C9orf78: variants seen among roughly 807,000 people sequenced by gnomAD.
C9orf78 encodes chromosome 9 open reading frame 78.
A neutral mutation model predicts 37.4 loss-of-function variants in C9orf78; 19 were observed. The ratio of observed to expected loss-of-function variants is 0.51; its 90% CI spans 0.35 to 0.74. The LOEUF is 0.74. Ranked by LOEUF, C9orf78 falls within the 30% of genes least tolerant of loss-of-function variation. The pLI is 0.01. For synonymous variants in C9orf78, 130 were observed against 128.0 expected (o/e 1.02, Z -0.10); for missense variants, 291 against 370.8 (o/e 0.78, Z 1.77).
intron 8 of C9orf78, chr9:129,828,874 G>C: frequency 2.5e-6 from 1 of 401,546 alleles, no homozygotes; most frequent in Non-Finnish European, 4.7e-6. Flanking sequence ...GAGACTACAA[G>C]TGTGAGGCAC....
chr9:129,830,311 G>A (rs28492891), intron 6 of C9orf78: 5,957 of 155,210 alleles, frequency 0.038, 346 homozygotes, highest in African/African-American at 0.13. Context: ...GGTGTGCAGT[G>A]GTGCAATCAT....
At position 129,829,385 on chromosome 9, in the gene C9orf78, C is replaced by A. The variant is rs1439487792; in HGVS notation, c.679+20G>T. 6.2e-7 allele frequency: 1 copy of A among 1,611,424 alleles called. No homozygotes were observed. Among genetic ancestry groups the A allele is most frequent in the African/African-American group, 1.3e-5 (1 of 74,862 alleles). ...CCCAAATAGGGGAATGGGGGCAAGA[C>A]TGCTCTCCGAGGGGCTTACATCTGT... On this transcript the variant is annotated intron_variant, in intron 7 of 8. Coordinates refer to ENST00000372447, the MANE Select transcript of C9orf78 (RefSeq NM_016520.3).
At chr9:129,828,379 A>G in intron 8 of C9orf78, 127 bp from the exon 9 acceptor site, 1 of 668,456 alleles carries the variant, frequency 1.5e-6, no homozygotes, top group Non-Finnish European at 2.8e-6. Context: ...AACCCAGTGA[A>G]CACAGTAGGG....
At chr9:129,828,864 G>A (rs1278894833) in intron 8 of C9orf78, 1 of 387,124 alleles carries the variant, frequency 2.6e-6, no homozygotes, top group East Asian at 6.3e-5. Flanking sequence ...CCCAGCAGCT[G>A]AGACTACAAG....
intron 8 of C9orf78, 65 bp from the exon 9 acceptor site, chr9:129,828,317 A>G: frequency 2.1e-6 from 2 of 957,474 alleles, no homozygotes; most frequent in Non-Finnish European, 3.4e-6. Flanking sequence ...ACTTTACTCC[A>G]TGCAGGCAAA....
chr9:129,828,476 T>C (rs1020364248), intron 8 of C9orf78: 37 of 370,528 alleles, frequency 1.0e-4, no homozygotes, highest in Admixed American at 1.1e-4. Flanking sequence ...CAGGCTAGAG[T>C]GTAATGGCAT....
intron 4 of C9orf78, among the ~76,000 whole-genome samples, chr9:129,833,081 G>A (rs2031551382): frequency 6.7e-6 from 1 of 149,148 alleles, no homozygotes; most frequent in Non-Finnish European, 1.5e-5. Flanking sequence ...GTGTGTGTGT[G>A]TGTGTGTGTA....
rs756733770 is a variant in C9orf78 at position 129,829,298 on chromosome 9, G to A, written c.685C>T (p.His229Tyr). 7 of 1,605,572 alleles carry A rather than the reference G, an allele frequency of 4.4e-6. No individual in the cohort carries two copies. In the East Asian group the frequency reaches 8.9e-5, roughly 20 times the overall value. Residue 229 changes from histidine to tyrosine, a missense_variant, in exon 8 of 9, where the codon CAT becomes TAT. By Grantham distance (83) the His-to-Tyr change is moderately conservative. Around this residue, in one of 3 missense-constraint regions of C9orf78, gnomAD observed 120 missense variants for 148.7 expected, o/e 0.81. Coordinates refer to ENST00000372447, the MANE Select transcript of C9orf78 (RefSeq NM_016520.3). ...VNYVQHNRFY[H>Y]EELNAPIRRN... ...CGTATGGGCGCGTTGAGCTCCTCAT[G>A]ATAAACTGGACCCAAAGAGACCAGG... is the stretch of plus-strand genomic sequence containing the variant.
rs761981667 is a variant in C9orf78, at chr9:129,834,786, C to A, written c.84-20G>T. The A allele has an allele frequency of 4.4e-6, 7 of 1,576,580 alleles. No homozygotes were observed. Among genetic ancestry groups the A allele is most frequent in the Admixed American group, 1.7e-5 (1 of 59,906 alleles). On this transcript the variant is annotated intron_variant, in intron 1 of 8. Transcript: ENST00000372447. ...TTTAATCTTTAAAAAGAAGAAGAAGCAGCAATGCATAAGCTGAGTGATTCC... is the reference window on the plus strand; with the variant it reads ...TTTAATCTTTAAAAAGAAGAAGAAGAAGCAATGCATAAGCTGAGTGATTCC...
At chr9:129,829,043 T>A in intron 8 of C9orf78, 162 bp downstream of exon 8, 1 of 700,358 alleles carries the variant, frequency 1.4e-6, no homozygotes, top group Non-Finnish European at 2.6e-6. Context: ...AACTGAGGCT[T>A]AGAAAGGGGA....
chr9:129,829,589 C>T, intron 6 of C9orf78, 48 bp from the exon 7 acceptor site: 1 of 1,576,950 alleles, frequency 6.3e-7, no homozygotes, highest in Non-Finnish European at 8.7e-7. Context: ...TAGCACCTTA[C>T]TACTCAGACA....
At chr9:129,834,834 A>G (rs1564189906) in intron 1 of C9orf78, 68 bp from the exon 2 acceptor site, 1 of 1,268,678 alleles carries the variant, frequency 7.9e-7, no homozygotes, top group Non-Finnish European at 1.1e-6. Flanking sequence ...AAGCTAACAG[A>G]GCCAATAAGG....
chr9:129,829,330 G>T (rs773375419), intron 7 of C9orf78, 27 bp from the exon 8 acceptor site: 1 of 1,601,832 alleles, frequency 6.2e-7, no homozygotes, highest in Non-Finnish European at 8.5e-7. Context: ...CAGGGGACAC[G>T]TTAGAACATG....
chr9:129,831,809 C>A, intron 5 of C9orf78, 87 bp downstream of exon 5: 1 of 775,588 alleles, frequency 1.3e-6, no homozygotes, highest in Non-Finnish European at 2.4e-6. Flanking sequence ...CTAGAAAATT[C>A]TAGAAATGTC....
At chr9:129,835,053 A>G in intron 1 of C9orf78, 86 bp downstream of exon 1, 1 of 1,091,662 alleles carries the variant, frequency 9.2e-7, no homozygotes, top group South Asian at 1.3e-5. Context: ...CACAGTTAAC[A>G]ATGTCAGCGA....
intron 6 of C9orf78, chr9:129,830,117 G>C (rs183740425): frequency 7.2e-5 from 11 of 152,734 alleles, no homozygotes; most frequent in African/African-American, 2.4e-4. Flanking sequence ...ATTTGTATTT[G>C]TAGGATTCTA....
chr9:129,833,779 C>A, intron 2 of C9orf78, 70 bp from the exon 3 acceptor site: 3 of 1,149,488 alleles, frequency 2.6e-6, no homozygotes, highest in Non-Finnish European at 3.8e-6. Flanking sequence ...AAGGAGGAAC[C>A]CTCTCAGGTA....
intron 6 of C9orf78, 163 bp downstream of exon 6, chr9:129,830,708 G>T: frequency 3.3e-6 from 2 of 602,402 alleles, no homozygotes; most frequent in Admixed American, 5.4e-5. Context: ...GACGGGGTTC[G>T]ACCATCTTGG....
chr9:129,830,972 A>G lies in C9orf78; in HGVS notation c.441T>C (p.Tyr147=). The G allele has an allele frequency of 1.2e-6, 2 of 1,613,114 alleles. No homozygotes were observed. The highest frequency in any genetic ancestry group is 1.1e-5 in the South Asian group (1 of 91,064). The change falls in exon 6 of 9, where the codon TAT becomes TAC. Residue 147 remains tyrosine, a synonymous_variant. Transcript: ENST00000372447. ...AAACACGGATGTTTTCTGGAAGTTC[A>G]TAAAGACAGTCCTCTGCATTCTTTG... is the stretch of plus-strand genomic sequence containing the variant. ...VKPKNAEDCL[Y]ELPENIRVSS... is the part of the protein sequence containing the mutation.
Sources: allele counts gnomAD v4.1 joint callset (sites outside exome capture counted in the v4.1 genomes callset), GRCh38; gene constraint gnomAD v4.1.1; regional missense constraint gnomAD v4.1.1; transcripts MANE v1.5; gene names NCBI Gene and HGNC (gene_info 2026-07-23, HGNC 2026-07-21).